ZNF215: variants seen among roughly 807,000 people sequenced by gnomAD.
ZNF215 encodes the protein BWSCR2-associated zinc finger protein 2.
A neutral mutation model predicts 27.2 loss-of-function variants in ZNF215; 24 were observed. The observed-to-expected ratio is 0.88, with a 90% CI of 0.64 to 1.24. The LOEUF (loss-of-function observed/expected upper bound fraction) is 1.24, where lower values mean the gene tolerates loss of function less well. ZNF215 is among the 50% of genes most tolerant of loss of function. The pLI, the probability that ZNF215 is intolerant of heterozygous loss-of-function variation, is 0.00. For synonymous variants in ZNF215, 210 were observed against 204.0 expected (o/e 1.03, Z -0.25); for missense variants, 675 against 605.7 (o/e 1.11, Z -1.20).
At chr11:6,935,301 A>G (rs150531347) in intron 3 of ZNF215, among the ~76,000 whole-genome samples, 4 of 152,360 alleles carry the variant, frequency 2.6e-5, no homozygotes, top group African/African-American at 7.2e-5. Flanking sequence ...ACAAGAAAGA[A>G]GTGAAGAATA....
chr11:6,980,668 T>A (rs905418477), intron 5 of ZNF215, among the ~76,000 whole-genome samples: 4 of 151,674 alleles, frequency 2.6e-5, no homozygotes, highest in African/African-American at 9.7e-5. Context: ...TGCAGGTTAG[T>A]TACATATGTA....
intron 3 of ZNF215, among the ~76,000 whole-genome samples, chr11:6,937,166 T>C (rs1250058927): frequency 6.6e-6 from 1 of 152,024 alleles, no homozygotes; most frequent in East Asian, 1.9e-4. Flanking sequence ...TATACTCTTA[T>C]ATATCCAAAA....
At position 6,943,160 on chromosome 11, in the gene ZNF215, C is replaced by A; in HGVS notation, c.561C>A (p.Asn187Lys). The part of the protein sequence containing the change: ...EWGQLDSAVK[N>K]LYRNVMLENF... ...GGCAACTGGACTCTGCTGTAAAGAA[C>A]CTGTACAGGAATGTGATGCTGGAAA... The change falls in exon 5 of 7, where the codon AAC becomes AAA. Residue 187 changes from asparagine (N) to lysine (K), a missense_variant. Asn to Lys is a moderately conservative substitution (Grantham distance 94, BLOSUM62 0). Transcript: ENST00000278319. 1 of 1,614,018 alleles carries A rather than the reference C, an allele frequency of 6.2e-7. No individual in the cohort carries two copies. Among genetic ancestry groups the A allele is most frequent in the Non-Finnish European group, 8.5e-7 (1 of 1,179,946 alleles).
At position 6,952,426 on chromosome 11, in the gene ZNF215, G is replaced by C. The variant is rs553228828; in HGVS notation, c.713-3264G>C. 1.7e-3 allele frequency among the ~76,000 whole-genome samples: 258 copies of C among 152,118 alleles called. 4 individuals are homozygous for C. Among genetic ancestry groups the C allele is most frequent in the Admixed American group, 0.016 (244 of 15,264 alleles). On this transcript the variant is annotated intron_variant, in intron 6 of 6. Coordinates refer to ENST00000278319, the MANE Select transcript of ZNF215 (RefSeq NM_013250.4). ...TATGAATCTGGGTGCTCCTGTATTG[G>C]GTGCATATATATTTAGGATAGTTAG...
chr11:6,978,724 G>C (rs1850883112), intron 5 of ZNF215, among the ~76,000 whole-genome samples: 1 of 150,410 alleles, frequency 6.6e-6, no homozygotes, highest in African/African-American at 2.5e-5. Context: ...TTCAAGACTA[G>C]CCTGGGCAAC....
intron 6 of ZNF215, among the ~76,000 whole-genome samples, chr11:6,953,773 T>G (rs568217113): frequency 4.2e-4 from 64 of 152,302 alleles, no homozygotes; most frequent in Non-Finnish European, 8.8e-4. Context: ...TTCCGTTGCT[T>G]GTGAGGAACT....
chr11:6,931,480 A>G (rs940175015), intron 2 of ZNF215, among the ~76,000 whole-genome samples: 14 of 152,212 alleles, frequency 9.2e-5, no homozygotes, highest in African/African-American at 2.7e-4. Context: ...GTAGTCTTGC[A>G]AGTCTAAATG....
intron 6 of ZNF215, among the ~76,000 whole-genome samples, chr11:6,945,916 C>G (rs1849798304): frequency 6.6e-6 from 1 of 152,170 alleles, no homozygotes; most frequent in Admixed American, 6.5e-5. Flanking sequence ...TATGACATTT[C>G]TCTGGGATAT....
intron 6 of ZNF215, among the ~76,000 whole-genome samples, chr11:6,951,756 TA>T (rs1338344070): frequency 5.3e-5 from 8 of 152,146 alleles, no homozygotes; most frequent in Admixed American, 2.0e-4. Flanking sequence ...TGATTTTAGT[TA>T]TTTCTTGCCT....
chr11:6,930,843 C>T (rs1302099721), intron 2 of ZNF215, among the ~76,000 whole-genome samples: 1 of 152,212 alleles, frequency 6.6e-6, no homozygotes, highest in Non-Finnish European at 1.5e-5. Context: ...GTAACTAGTA[C>T]ATCTGGGATA....
downstream of ZNF215, among the ~76,000 whole-genome samples, chr11:6,993,649 A>G (rs1042250670): frequency 2.1e-4 from 32 of 152,186 alleles, no homozygotes; most frequent in African/African-American, 7.7e-4. Flanking sequence ...GCAGTGTTCT[A>G]TGATTACATT....
intron 5 of ZNF215, chr11:6,984,054 C>A (rs747650136): frequency 2.4e-5 from 9 of 368,984 alleles, no homozygotes; most frequent in Middle Eastern, 9.3e-4. Flanking sequence ...CAAACGCTAT[C>A]TTTGGGGGTA....
At chr11:6,952,255 T>G (rs1351967626) in intron 6 of ZNF215, among the ~76,000 whole-genome samples, 1 of 152,226 alleles carries the variant, frequency 6.6e-6, no homozygotes, top group African/African-American at 2.4e-5. Flanking sequence ...TAGGTCTGCT[T>G]GGTGCAGAGC....
chr11:6,976,446 G>A (rs1223185356), intron 5 of ZNF215, among the ~76,000 whole-genome samples: 1 of 152,110 alleles, frequency 6.6e-6, no homozygotes, highest in Non-Finnish European at 1.5e-5. Flanking sequence ...GTGTTTAATT[G>A]ATGAAGAAGC....
chr11:6,954,921 G>C (rs1850264526), intron 6 of ZNF215, among the ~76,000 whole-genome samples: 1 of 152,144 alleles, frequency 6.6e-6, no homozygotes, highest in African/African-American at 2.4e-5. Flanking sequence ...CTAGAATATA[G>C]AGTATACAGA....
At position 6,936,587 on chromosome 11, in the gene ZNF215, A is replaced by G. The variant is rs75910917; in HGVS notation, c.400+3915A>G. ...GAAAAATTAACACCAGTATTCTCAA[A>G]CTCTTCCAAAAAATAGGAGGAACAC... On this transcript the variant is annotated intron_variant, in intron 3 of 6. Coordinates refer to ENST00000278319, the MANE Select transcript of ZNF215 (RefSeq NM_013250.4). Among the ~76,000 whole-genome samples, 2,080 of 152,116 alleles carry G rather than the reference A, an allele frequency of 0.014. 75 individuals carry two copies. In the East Asian group the frequency reaches 0.14, roughly 10 times the overall value.
At chr11:6,933,000 T>C (rs1849317231) in intron 3 of ZNF215, among the ~76,000 whole-genome samples, 1 of 152,254 alleles carries the variant, frequency 6.6e-6, no homozygotes, top group Admixed American at 6.5e-5. Flanking sequence ...ATTTTCATTT[T>C]GTCTATGATT....
In ZNF215 at chr11:6,955,857, A is replaced by G. The variant is rs776852556; in HGVS notation, c.880A>G (p.Ile294Val). 23 of 1,612,192 alleles carry G rather than the reference A, an allele frequency of 1.4e-5. No homozygotes were observed. The highest frequency in any genetic ancestry group is 1.6e-4 in the Middle Eastern group (1 of 6,078). Residue 294 changes from isoleucine to valine, a missense_variant, in exon 7 of 7, where the codon ATT (isoleucine) becomes GTT (valine). Ile to Val is a conservative substitution (Grantham distance 29). Coordinates refer to ENST00000278319, the MANE Select transcript of ZNF215 (RefSeq NM_013250.4). ...LPQEAFIPET[I>V]YTEEEDFECS... is the part of the protein sequence containing the mutation. ...ACAAGAGGCTTTCATTCCTGAGACA[A>G]TTTACACTGAGGAGGAAGATTTTGA...
chr11:6,933,669 C>T (rs955894509), intron 3 of ZNF215, among the ~76,000 whole-genome samples: 1 of 151,786 alleles, frequency 6.6e-6, no homozygotes, highest in Non-Finnish European at 1.5e-5. Flanking sequence ...TGGGCGGGCA[C>T]CTGTAGTCCC....
Sources: allele counts gnomAD v4.1 joint callset (sites outside exome capture counted in the v4.1 genomes callset), GRCh38; gene constraint gnomAD v4.1.1; transcripts MANE v1.5; gene names NCBI Gene and HGNC (gene_info 2026-07-23, HGNC 2026-07-21).